CLEC4D: variants seen among roughly 807,000 people sequenced by gnomAD.
CLEC4D encodes C-type (calcium dependent, carbohydrate-recognition domain) lectin, superfamily member 8.
Under a neutral mutation model 21.1 loss-of-function variants are expected in CLEC4D, and 21 were observed. The observed-to-expected ratio is 1.00, with a 90% CI of 0.71 to 1.43. The LOEUF (loss-of-function observed/expected upper bound fraction) is 1.43, where lower values mean the gene tolerates loss of function less well. Among genes scored for constraint, CLEC4D ranks in the 40% most tolerant of loss-of-function variants. The pLI is 0.00. For synonymous variants in CLEC4D, 85 were observed against 83.1 expected (o/e 1.02, Z -0.12); for missense variants, 289 against 260.7 (o/e 1.11, Z -0.75).
intron 5 of CLEC4D, 93 bp downstream of exon 5, chr12:8,520,434 A>T: frequency 6.6e-7 from 1 of 1,510,694 alleles, no homozygotes; most frequent in Non-Finnish European, 8.9e-7. Flanking sequence ...ACATTGATAT[A>T]AAAATGTTAA....
chr12:8,524,254 A>G (rs1054214197), downstream of CLEC4D, among the ~76,000 whole-genome samples: 13 of 152,226 alleles, frequency 8.5e-5, no homozygotes, highest in Non-Finnish European at 1.5e-4. Flanking sequence ...ATTGTTTGGA[A>G]TAGTTTCAGA....
At chr12:8,519,570 A>G (rs1940430758) in intron 4 of CLEC4D, among the ~76,000 whole-genome samples, 1 of 152,224 alleles carries the variant, frequency 6.6e-6, no homozygotes, top group Non-Finnish European at 1.5e-5. Context: ...TGTCCCGTGC[A>G]GTGTGAGGCA....
chr12:8,530,803 T>G, the CLEC4D span, among the ~76,000 whole-genome samples: 39 of 152,342 alleles, frequency 2.6e-4, no homozygotes, highest in South Asian at 5.4e-3. Flanking sequence ...TCTGGATAAA[T>G]TATTATTATA....
downstream of CLEC4D, among the ~76,000 whole-genome samples, chr12:8,523,514 A>G (rs1940482355): frequency 6.6e-6 from 1 of 152,116 alleles, no homozygotes; most frequent in Admixed American, 6.5e-5. Flanking sequence ...TTGTTGGTGT[A>G]AAGGAATGCT....
chr12:8,526,925 T>C (rs1940511485), downstream of CLEC4D, among the ~76,000 whole-genome samples: 1 of 152,194 alleles, frequency 6.6e-6, no homozygotes, highest in African/African-American at 2.4e-5. Flanking sequence ...TTCTGGTTTT[T>C]TTTCTTTCAA....
At chr12:8,517,199 G>C (rs1335116114) in intron 2 of CLEC4D, among the ~76,000 whole-genome samples, 1 of 152,134 alleles carries the variant, frequency 6.6e-6, no homozygotes. Flanking sequence ...GCAATATTCT[G>C]TTTCTTGAGC....
At chr12:8,517,311 T>C (rs1286426515) in intron 2 of CLEC4D, among the ~76,000 whole-genome samples, 2 of 152,098 alleles carry the variant, frequency 1.3e-5, no homozygotes, top group Admixed American at 1.3e-4. Flanking sequence ...ATATTTATTT[T>C]ATTATACTTT....
Position 8,520,247 on chromosome 12 carries a change from G to C in CLEC4D, c.406G>C (p.Asp136His), listed in dbSNP as rs141605172. Residue 136 changes from aspartate (D) to histidine (H), a missense_variant, in exon 5 of 6, where the codon GAT becomes CAT. Coordinates refer to ENST00000299665, the MANE Select transcript of CLEC4D (RefSeq NM_080387.5). ...AEQNFIIQFL[D>H]RRLSYFLGLR... Reference sequence around the variant, plus strand: ...GCAGAACTTTATTATTCAGTTTCTGGATAGACGGCTTTCCTATTTCCTTGG... The same window carrying C: ...GCAGAACTTTATTATTCAGTTTCTGCATAGACGGCTTTCCTATTTCCTTGG... 10 of 1,613,870 alleles carry C rather than the reference G, an allele frequency of 6.2e-6. No homozygotes were observed. The highest frequency in any genetic ancestry group is 8.5e-6 in the Non-Finnish European group (10 of 1,179,830).
chr12:8,524,339 T>TTG (rs376693831), downstream of CLEC4D, among the ~76,000 whole-genome samples: 28,824 of 151,738 alleles, frequency 0.19, 2,823 homozygotes, highest in Middle Eastern at 0.29. Context: ...GGCTTTTTTT[T>TTG]TTTGTTTGGT....
At chr12:8,518,826 A>G (rs937447433) in intron 3 of CLEC4D, among the ~76,000 whole-genome samples, 183 bp from the exon 4 acceptor site, 1 of 152,248 alleles carries the variant, frequency 6.6e-6, no homozygotes, top group Admixed American at 6.5e-5. Flanking sequence ...TCCAGTACTT[A>G]TGTTTAGAAG....
At chr12:8,529,330 A>G in the CLEC4D span, among the ~76,000 whole-genome samples, 1 of 152,202 alleles carries the variant, frequency 6.6e-6, no homozygotes, top group Non-Finnish European at 1.5e-5. Flanking sequence ...ATATAAAAAA[A>G]TGGGTCCTGT....
chr12:8,518,177 C>T lies in CLEC4D; in HGVS notation c.135C>T (p.Asn45=). 7.8e-7 allele frequency: 1 copy of T among 1,280,146 alleles called. No homozygotes were observed. Among genetic ancestry groups the T allele is most frequent in the African/African-American group, 1.5e-5 (1 of 68,852 alleles). 79.3% of individuals were successfully genotyped at this position (1,280,146 alleles called of 1,614,324 possible). The change falls in exon 3 of 6, where the codon AAC becomes AAT. Residue 45 remains asparagine, a synonymous_variant. Coordinates refer to ENST00000299665, the MANE Select transcript of CLEC4D (RefSeq NM_080387.5). ...TATCCTTGACAGTGACTCATCACAA[C>T]TTTTCACGCTGTAAGAGAGGCACAG... is the stretch of plus-strand genomic sequence containing the variant. ...FIASCLVTHH[N]FSRCKRGTGV... is the part of the protein sequence containing the mutation.
intron 2 of CLEC4D, among the ~76,000 whole-genome samples, chr12:8,517,219 G>T (rs918934683): frequency 2.6e-5 from 4 of 152,120 alleles, no homozygotes; most frequent in African/African-American, 9.7e-5. Flanking sequence ...CTGAGTAGTT[G>T]TTACCTGGAG....
intron 4 of CLEC4D, among the ~76,000 whole-genome samples, chr12:8,519,980 A>G (rs1940437284): frequency 6.6e-6 from 1 of 152,204 alleles, no homozygotes; most frequent in African/African-American, 2.4e-5. Context: ...TGCAAGTCTG[A>G]CCTCACTTAA....
downstream of CLEC4D, among the ~76,000 whole-genome samples, chr12:8,524,052 C>G (rs1479219142): frequency 6.6e-6 from 1 of 152,110 alleles, no homozygotes; most frequent in Admixed American, 6.5e-5. Flanking sequence ...ATGAAGCTGA[C>G]TTGATTGTGG....
Position 8,521,424 on chromosome 12 carries a change from G to A in CLEC4D, c.*153G>A, listed in dbSNP as rs752013111. On this transcript the variant is annotated 3_prime_UTR_variant, in exon 6 of 6. Coordinates refer to ENST00000299665, the MANE Select transcript of CLEC4D (RefSeq NM_080387.5). ...CTTTTTTATTTTGTTTGATTCATTCGAGACAACATGTGTGTATGTGTGTGT... is the reference window on the plus strand; with the variant it reads ...CTTTTTTATTTTGTTTGATTCATTCAAGACAACATGTGTGTATGTGTGTGT... The A allele has an allele frequency of 1.9e-5, 27 of 1,402,406 alleles. No homozygotes were observed. The highest frequency in any genetic ancestry group is 2.4e-5 in the Non-Finnish European group (26 of 1,076,846). 86.9% of individuals were successfully genotyped at this position (1,402,406 alleles called of 1,614,324 possible).
the CLEC4D span, among the ~76,000 whole-genome samples, chr12:8,528,041 G>A: frequency 6.6e-6 from 1 of 152,176 alleles, no homozygotes; most frequent in Non-Finnish European, 1.5e-5. Flanking sequence ...TGATGAGACA[G>A]CCTGGGTATC....
At chr12:8,513,782 C>G in intron 1 of CLEC4D, 22 bp downstream of exon 1, 1 of 983,488 alleles carries the variant, frequency 1.0e-6, no homozygotes, top group Non-Finnish European at 1.6e-6. Flanking sequence ...CTCTCCTTTC[C>G]ATTTCAAAGA....
At chr12:8,524,341 T>TA (rs1940491028), downstream of CLEC4D, among the ~76,000 whole-genome samples, 1 of 149,150 alleles carries the variant, frequency 6.7e-6, no homozygotes, top group Non-Finnish European at 1.5e-5. Context: ...CTTTTTTTTT[T>TA]TGTTTGGTAG....
Sources: gnomAD v4.1 joint callset for allele counts (sites outside exome capture counted in the v4.1 genomes callset) on GRCh38, gnomAD v4.1.1 for gene constraint, MANE v1.5 for transcripts, NCBI Gene and HGNC (gene_info 2026-07-23, HGNC 2026-07-21) for gene names.